TOM1L1: variants seen among roughly 807,000 people sequenced by gnomAD.
The protein encoded by TOM1L1 is target of myb1 like 1 membrane trafficking protein.
TOM1L1 carries 64 observed loss-of-function variants against 63.4 expected under a neutral mutation model. The observed-to-expected ratio is 1.01, with a 90% CI of 0.83 to 1.24. TOM1L1 has a LOEUF of 1.24. Ranked by LOEUF, TOM1L1 falls within the 50% of genes most tolerant of loss-of-function variation. The pLI is 0.00. For synonymous variants in TOM1L1, 166 were observed against 194.4 expected, an observed-to-expected ratio of 0.85 and a Z score of 1.22; for missense variants, 536 against 567.0, an observed-to-expected ratio of 0.95 and a Z score of 0.55.
chr17:54,908,726 A>G (rs1398315738), intron 3 of TOM1L1, among the ~76,000 whole-genome samples: 2 of 152,134 alleles, frequency 1.3e-5, no homozygotes, highest in African/African-American at 2.4e-5. Context: ...TATTACTCTG[A>G]GCCAGAGAGT....
At chr17:54,902,553 G>T (rs1229336641) in intron 1 of TOM1L1, among the ~76,000 whole-genome samples, 1 of 152,366 alleles carries the variant, frequency 6.6e-6, no homozygotes, top group African/African-American at 2.4e-5. Flanking sequence ...GCCTCCCAAA[G>T]TGATTGGGAT....
intron 7 of TOM1L1, among the ~76,000 whole-genome samples, chr17:54,929,685 G>T (rs951691333): frequency 6.6e-6 from 1 of 151,246 alleles, no homozygotes; most frequent in African/African-American, 2.4e-5. Flanking sequence ...AGGTAGATGT[G>T]GCAAGGGGTA....
intron 8 of TOM1L1, among the ~76,000 whole-genome samples, chr17:54,931,958 TTG>T (rs1491037024): frequency 5.0e-5 from 4 of 79,564 alleles, no homozygotes; most frequent in South Asian, 3.1e-4. Context: ...CGTTTTTTTT[TTG>T]TTTGTTTGTT....
At chr17:54,944,033 C>T (rs2049077264) in intron 11 of TOM1L1, among the ~76,000 whole-genome samples, 3 of 152,034 alleles carry the variant, frequency 2.0e-5, no homozygotes, top group Middle Eastern at 6.8e-3. Flanking sequence ...AACCTTATCA[C>T]CATATAGATT....
chr17:54,931,804 A>T (rs1405206906), intron 8 of TOM1L1, among the ~76,000 whole-genome samples: 1 of 152,044 alleles, frequency 6.6e-6, no homozygotes, highest in Non-Finnish European at 1.5e-5. Context: ...CCCTGTCTCA[A>T]AAAAGAGAAA....
chr17:54,919,985 G>T (rs1006571829), intron 7 of TOM1L1, among the ~76,000 whole-genome samples: 162 of 150,962 alleles, frequency 1.1e-3, no homozygotes, highest in African/African-American at 2.3e-3. Context: ...GTTTTTTATT[G>T]ATTTATTTAT....
intron 7 of TOM1L1, among the ~76,000 whole-genome samples, chr17:54,918,924 T>A (rs2048635739): frequency 6.6e-6 from 1 of 152,354 alleles, no homozygotes; most frequent in Middle Eastern, 3.4e-3. Context: ...CAGGGTAGTA[T>A]ACCTTGAGAA....
chr17:54,960,532 A>G, intron 14 of TOM1L1, 34 bp from the exon 15 acceptor site: 1 of 1,581,914 alleles, frequency 6.3e-7, no homozygotes, highest in Non-Finnish European at 8.7e-7. Flanking sequence ...TGAAATTGAT[A>G]CATAACCCTT....
chr17:54,955,716 C>G (rs1304547616), intron 14 of TOM1L1, among the ~76,000 whole-genome samples: 2 of 152,068 alleles, frequency 1.3e-5, no homozygotes, highest in Non-Finnish European at 2.9e-5. Flanking sequence ...GAAGGAACTT[C>G]TTTTTCTCAA....
chr17:54,939,404 G>A (rs2049001822), intron 11 of TOM1L1, among the ~76,000 whole-genome samples: 1 of 151,034 alleles, frequency 6.6e-6, no homozygotes, highest in Non-Finnish European at 1.5e-5. Context: ...AACAGGAGAT[G>A]GGGAAGAACA....
chr17:54,961,337 G>A lies in TOM1L1; in HGVS notation c.*104G>A, dbSNP rs1211401496. On this transcript the variant is annotated 3_prime_UTR_variant, in exon 16 of 16. Transcript: ENST00000575882. ...CCTGGAAGACAATACCTACCAACATGTCAAAGCCATGGTGGCACATTTCTG... is the reference window on the plus strand; with the variant it reads ...CCTGGAAGACAATACCTACCAACATATCAAAGCCATGGTGGCACATTTCTG... The A allele has an allele frequency of 6.4e-7, 1 of 1,551,312 alleles. No individual in the cohort carries two copies. Among genetic ancestry groups the A allele is most frequent in the Non-Finnish European group, 8.7e-7 (1 of 1,146,864 alleles).
intron 7 of TOM1L1, among the ~76,000 whole-genome samples, chr17:54,918,001 C>T (rs1386418246): frequency 6.6e-6 from 1 of 152,188 alleles, no homozygotes; most frequent in Non-Finnish European, 1.5e-5. Context: ...AGAGAAGGGG[C>T]ATGAGCAGGG....
At chr17:54,949,996 A>T (rs746120508) in intron 13 of TOM1L1, 49 bp from the exon 14 acceptor site, 3 of 1,398,170 alleles carry the variant, frequency 2.1e-6, no homozygotes, top group South Asian at 2.4e-5. Flanking sequence ...AATTGCGTGT[A>T]CTCCTCAAAA....
intron 3 of TOM1L1, among the ~76,000 whole-genome samples, chr17:54,906,424 G>A (rs1166728892): frequency 1.3e-5 from 2 of 148,286 alleles, no homozygotes; most frequent in Non-Finnish European, 3.0e-5. Flanking sequence ...AGTCGAGATC[G>A]CACCACTGTC....
intron 7 of TOM1L1, among the ~76,000 whole-genome samples, chr17:54,920,794 T>A (rs547715660): frequency 9.2e-5 from 14 of 152,316 alleles, no homozygotes; most frequent in Admixed American, 4.6e-4. Flanking sequence ...TCCAAAAGAA[T>A]CTAGGAATCT....
At chr17:54,925,198 G>A (rs998010472) in intron 7 of TOM1L1, among the ~76,000 whole-genome samples, 5 of 152,196 alleles carry the variant, frequency 3.3e-5, no homozygotes, top group African/African-American at 1.2e-4. Flanking sequence ...CGCTACCCTG[G>A]ATTATTAACT....
At chr17:54,945,342 A>G (rs2143937869) in intron 11 of TOM1L1, among the ~76,000 whole-genome samples, 1 of 152,336 alleles carries the variant, frequency 6.6e-6, no homozygotes, top group Non-Finnish European at 1.5e-5. Context: ...GAATTAGGAC[A>G]TGAGCATAGC....
Position 54,937,201 on chromosome 17 carries a change from C to T in TOM1L1, c.1008C>T (p.Thr336=). 6.2e-7 allele frequency: 1 copy of T among 1,613,352 alleles called. No individual in the cohort carries two copies. ...MPRATLGELN[T]MNNQLSGLNF... ...GGGCCACTCTGGGAGAACTCAACAC[C>T]ATGAATAATCAACTTTCAGGCTTAA... Residue 336 remains threonine, a synonymous_variant, in exon 10 of 16, where the codon ACC becomes ACT. Coordinates refer to ENST00000575882, the MANE Select transcript of TOM1L1 (RefSeq NM_005486.3).
chr17:54,931,303 T>C (rs2048854713), intron 8 of TOM1L1, among the ~76,000 whole-genome samples: 1 of 152,200 alleles, frequency 6.6e-6, no homozygotes, highest in Non-Finnish European at 1.5e-5. Flanking sequence ...TAATAATACC[T>C]TTTTAGAGGG....
Sources: gnomAD v4.1 joint callset for allele counts (sites outside exome capture counted in the v4.1 genomes callset) on GRCh38, gnomAD v4.1.1 for gene constraint, MANE v1.5 for transcripts, NCBI Gene and HGNC (gene_info 2026-07-23, HGNC 2026-07-21) for gene names.